Variants in CARD8 observed in about 807,000 individuals in gnomAD.
The protein encoded by CARD8 is caspase recruitment domain-containing protein 8.
A neutral mutation model predicts 53.2 loss-of-function variants in CARD8; 38 were observed. The observed-to-expected ratio is 0.71, with a 90% CI of 0.55 to 0.94. CARD8 has a LOEUF of 0.94. Among genes scored for constraint, CARD8 ranks in the 40% least tolerant of loss-of-function variants. The pLI is 0.00. For missense variants in CARD8, 561 were observed against 655.5 expected, an observed-to-expected ratio of 0.86 and a Z score of 1.57; for synonymous variants, 245 against 244.9, an observed-to-expected ratio of 1.00 and a Z score of 0.00.
At chr19:48,245,776 TATAAA>T (rs1238020861) in intron 3 of CARD8, among the ~76,000 whole-genome samples, 4 of 148,672 alleles carry the variant, frequency 2.7e-5, no homozygotes, top group Non-Finnish European at 4.5e-5. Context: ...AATTGTTATA[TATAAA>T]ATAACTAATT....
intron 10 of CARD8, chr19:48,223,948 T>C (rs1379367719): frequency 4.4e-6 from 2 of 450,556 alleles, no homozygotes; most frequent in Non-Finnish European, 8.9e-6. Flanking sequence ...TGAATAGAAA[T>C]GTACTGCAAC....
At chr19:48,213,435 C>A (rs1168493403) in intron 13 of CARD8, among the ~76,000 whole-genome samples, 2 of 152,056 alleles carry the variant, frequency 1.3e-5, no homozygotes, top group African/African-American at 4.8e-5. Context: ...AGTGCGATGG[C>A]ACGATCTCGG....
chr19:48,230,826 T>C lies in CARD8; in HGVS notation c.723A>G (p.Pro241=), dbSNP rs376578612. Reference sequence around the variant, plus strand: ...GGTGGATTTCGGCGACAGCCTCCTCTGGCTCTGCAGTGACATCAAACAAGG... The same window carrying C: ...GGTGGATTTCGGCGACAGCCTCCTCCGGCTCTGCAGTGACATCAAACAAGG... ...GGPLFDVTAE[P]EEAVAEIHLP... is the part of the protein sequence containing the mutation. Residue 241 remains proline, a synonymous_variant, in exon 9 of 14, where the codon CCA becomes CCG. Coordinates refer to ENST00000651546, the MANE Select transcript of CARD8 (RefSeq NM_001184900.3). The C allele has an allele frequency of 5.0e-6, 8 of 1,614,044 alleles. No individual in the cohort carries two copies. The highest frequency in any genetic ancestry group is 3.3e-5 in the Admixed American group (2 of 60,004).
downstream of CARD8, among the ~76,000 whole-genome samples, chr19:48,204,555 C>T (rs1006238404): frequency 6.6e-6 from 1 of 152,088 alleles, no homozygotes; most frequent in Admixed American, 6.5e-5. Flanking sequence ...GGGTATTAAG[C>T]TCTTTTGCCA....
intron 13 of CARD8, among the ~76,000 whole-genome samples, chr19:48,213,753 A>T (rs1384611434): frequency 6.6e-6 from 1 of 152,102 alleles, no homozygotes; most frequent in Non-Finnish European, 1.5e-5. Flanking sequence ...TCCTTGGCTG[A>T]TATCTGCTCT....
Position 48,215,189 on chromosome 19 carries a change from A to AGGAT in CARD8, c.1348+150_1348+151insATCC, listed in dbSNP as rs533487413. 9.8e-4 allele frequency: 575 copies of AGGAT among 589,710 alleles called. 1 individual carries two copies. The highest frequency in any genetic ancestry group is 9.4e-3 in the African/African-American group (505 of 53,570). 36.5% of individuals were successfully genotyped at this position (589,710 alleles called of 1,614,324 possible). On this transcript the variant is annotated intron_variant, in intron 13 of 13. Coordinates refer to ENST00000651546, the MANE Select transcript of CARD8 (RefSeq NM_001184900.3). ...CCCCTCAGTCAAATTCTGTCTTCTA[A>AGGAT]GGAGGCAAGAATTGAGGTTGCTGCA... is the stretch of plus-strand genomic sequence containing the variant.
rs146495821 is a variant in CARD8 at position 48,237,977 on chromosome 19, G to A, written c.209+406C>T. ...ACGATCTCGGCTCACTGCAACCTCCGCCTCCCAGGTTTGAGCAATTCTCCT... is the reference window on the plus strand; with the variant it reads ...ACGATCTCGGCTCACTGCAACCTCCACCTCCCAGGTTTGAGCAATTCTCCT... On this transcript the variant is annotated intron_variant, in intron 5 of 13. Coordinates refer to ENST00000651546, the MANE Select transcript of CARD8 (RefSeq NM_001184900.3). Among the ~76,000 whole-genome samples the A allele has an allele frequency of 5.1e-3, 768 of 151,468 alleles. 4 individuals carry two copies. Among genetic ancestry groups the A allele is most frequent in the Non-Finnish European group, 7.6e-3 (519 of 67,870 alleles).
rs978052559 is a variant in CARD8 at position 48,211,600 on chromosome 19, T to C, written c.*110A>G. On this transcript the variant is annotated 3_prime_UTR_variant, in exon 14 of 14. Coordinates refer to ENST00000651546, the MANE Select transcript of CARD8 (RefSeq NM_001184900.3). ...TCCTGAAAGCCTGTGTGATAGATGT[T>C]ACCCAGTCTTCTTCTGTCTTGAACA... is the stretch of plus-strand genomic sequence containing the variant. 4 of 1,068,858 alleles carry C rather than the reference T, an allele frequency of 3.7e-6. No individual in the cohort carries two copies. Among genetic ancestry groups the C allele is most frequent in the Non-Finnish European group, 5.5e-6 (4 of 730,596 alleles). 66.2% of individuals were successfully genotyped at this position (1,068,858 alleles called of 1,614,324 possible).
At chr19:48,228,551 C>G (rs932669967) in intron 10 of CARD8, among the ~76,000 whole-genome samples, 1 of 152,146 alleles carries the variant, frequency 6.6e-6, no homozygotes, top group Non-Finnish European at 1.5e-5. Context: ...ACAGAGAGAT[C>G]TGGGAACAGA....
Position 48,219,027 on chromosome 19 carries a change from T to C in CARD8, c.1162-15A>G. ...AATTTCAACTCCTAGAGGAAACACA[T>C]CAGTTGACTTGAAGCAGTGGAGGGT... On this transcript the variant is annotated splice_polypyrimidine_tract_variant and intron_variant, in intron 11 of 13. Coordinates refer to ENST00000651546, the MANE Select transcript of CARD8 (RefSeq NM_001184900.3). 5 of 1,613,702 alleles carry C rather than the reference T, an allele frequency of 3.1e-6. No individual in the cohort carries two copies. Among genetic ancestry groups the C allele is most frequent in the Non-Finnish European group, 4.2e-6 (5 of 1,179,730 alleles).
chr19:48,249,065 C>T (rs1454520032), intron 3 of CARD8, among the ~76,000 whole-genome samples: 2 of 151,922 alleles, frequency 1.3e-5, no homozygotes, highest in Non-Finnish European at 2.9e-5. Context: ...TGCGTGGTGG[C>T]GGGCGCCTGT....
chr19:48,233,304 T>A, intron 6 of CARD8: 1 of 456,090 alleles, frequency 2.2e-6, no homozygotes, highest in South Asian at 1.5e-5. Context: ...TCCATCAAAT[T>A]CTCTGCCTTT....
intron 3 of CARD8, among the ~76,000 whole-genome samples, chr19:48,244,374 T>G (rs2045747977): frequency 6.6e-6 from 1 of 152,214 alleles, no homozygotes. Flanking sequence ...ATCCAAATGT[T>G]TCTCACCGGC....
At chr19:48,250,360 C>A (rs2046792407) in intron 1 of CARD8, among the ~76,000 whole-genome samples, 1 of 152,168 alleles carries the variant, frequency 6.6e-6, no homozygotes, top group African/African-American at 2.4e-5. Flanking sequence ...GCATTCCTTG[C>A]AGAAATATTT....
At position 48,230,631 on chromosome 19, in the gene CARD8, G is replaced by A; in HGVS notation, c.842C>T (p.Pro281Leu). The change falls in exon 10 of 14, where the codon CCA becomes CTA. Residue 281 changes from proline (P) to leucine (L), a missense_variant. Pro to Leu is a moderately conservative substitution (Grantham distance 98). Transcript: ENST00000651546. Reference protein sequence around the residue: ...FKNEGMVLEHPARVEPFYAVL... With the variant: ...FKNEGMVLEHLARVEPFYAVL... ...AGCATAGAAAGGCTCCACCCGGGCT[G>A]GATGCTCCAGGACCATCCCTTCATT... 1 of 1,614,106 alleles carries A rather than the reference G, an allele frequency of 6.2e-7. No homozygotes were observed. Among genetic ancestry groups the A allele is most frequent in the Non-Finnish European group, 8.5e-7 (1 of 1,180,018 alleles).
In CARD8 at chr19:48,230,704, CAGG is replaced by C. The variant is rs1190426948; in HGVS notation, c.773-7_773-5del. 1.9e-6 allele frequency: 3 copies of C among 1,613,214 alleles called. No individual in the cohort carries two copies. Among genetic ancestry groups the C allele is most frequent in the Non-Finnish European group, 1.7e-6 (2 of 1,179,418 alleles). On this transcript the variant is annotated splice_region_variant and splice_polypyrimidine_tract_variant and intron_variant, in intron 9 of 13. Coordinates refer to ENST00000651546, the MANE Select transcript of CARD8 (RefSeq NM_001184900.3). ...CAGGAGACGTCCACCTCACCTGCTG[CAGG>C]AGAACCACAACAGCAGTGAGACGGC...
chr19:48,215,250 G>T, intron 13 of CARD8, 90 bp downstream of exon 13: 1 of 904,516 alleles, frequency 1.1e-6, no homozygotes, highest in Non-Finnish European at 1.8e-6. Flanking sequence ...ACGTTCTGGT[G>T]CCATGTCACT....
At chr19:48,253,841 T>A (rs10410962) in intron 1 of CARD8, among the ~76,000 whole-genome samples, 35,067 of 152,090 alleles carry the variant, frequency 0.23, 4,155 homozygotes, top group Middle Eastern at 0.33. Flanking sequence ...GGGAAATCTG[T>A]TCAATAGTCT....
rs776035864 is a variant in CARD8 at position 48,230,514 on chromosome 19, A to T, written c.959T>A (p.Leu320Ter). Residue 320 changes from leucine to a stop codon, truncating the protein, a stop_gained, in exon 10 of 14, where the codon TTG becomes TAG. Transcript: ENST00000651546. LOFTEE classifies it high-confidence loss of function. ...RLSIPITSNT[L>*]IYYHPHPEDI... Reference sequence around the variant, plus strand: ...TTCGGGGTGGGGGTGATAATAGATCAATGTGTTGGAAGTGATGGGGATGGA... The same window carrying T: ...TTCGGGGTGGGGGTGATAATAGATCTATGTGTTGGAAGTGATGGGGATGGA... The T allele has an allele frequency of 5.0e-6, 8 of 1,614,084 alleles. No homozygotes were observed. The highest frequency in any genetic ancestry group is 6.8e-6 in the Non-Finnish European group (8 of 1,179,972).
Sources: gnomAD v4.1 joint callset for allele counts (sites outside exome capture counted in the v4.1 genomes callset) on GRCh38, gnomAD v4.1.1 for gene constraint, MANE v1.5 for transcripts, NCBI Gene and HGNC (gene_info 2026-07-23, HGNC 2026-07-21) for gene names.